Variants in FXYD7 observed in about 807,000 individuals in gnomAD.
The protein encoded by FXYD7 is FXYD domain-containing ion transport regulator 7.
In FXYD7, 7 loss-of-function variants were observed where a neutral mutation model predicts 15.3. That is an observed-to-expected ratio of 0.46 (90% CI 0.26 to 0.86). The LOEUF is 0.86. Ranked by LOEUF, FXYD7 falls within the 40% of genes least tolerant of loss-of-function variation. The pLI, the probability that FXYD7 is intolerant of heterozygous loss-of-function variation, is 0.16. For synonymous variants in FXYD7, 39 were observed against 39.3 expected, an observed-to-expected ratio of 0.99 and a Z score of 0.03; for missense variants, 78 against 100.6, an observed-to-expected ratio of 0.78 and a Z score of 0.96.
At chr19:35,144,042 A>G (rs1348749875) in intron 1 of FXYD7, among the ~76,000 whole-genome samples, 1 of 151,986 alleles carries the variant, frequency 6.6e-6, no homozygotes, top group Non-Finnish European at 1.5e-5. Context: ...GTAGACAGAG[A>G]TGCAGAGAGA....
chr19:35,148,026 G>GGAAAGAAA (rs59209064), intron 1 of FXYD7, among the ~76,000 whole-genome samples: 3,381 of 88,446 alleles, frequency 0.038, 119 homozygotes, highest in African/African-American at 0.052. Flanking sequence ...GAAGAAAGAA[G>GGAAAGAAA]GAAAGAAAGA....
chr19:35,152,975 G>A (rs1391183555), intron 5 of FXYD7, among the ~76,000 whole-genome samples: 6 of 143,806 alleles, frequency 4.2e-5, no homozygotes, highest in Admixed American at 7.0e-5. Flanking sequence ...AATGCGGGAG[G>A]GGGACACGGG....
rs910183506 is a variant in FXYD7, at chr19:35,151,465, G to C, written c.162G>C (p.Ala54=). Residue 54 remains alanine, a synonymous_variant, in exon 4 of 6, where the codon GCG becomes GCC. Coordinates refer to ENST00000270310, the MANE Select transcript of FXYD7 (RefSeq NM_022006.2). ...GCAAGAAGGTGAAGTGCAGGAAGGC[G>C]GACTCCAGGTCTGAGAGGTCTGGCA... is the stretch of plus-strand genomic sequence containing the variant. ...VISKKVKCRK[A]DSRSESPTCK... 3 of 1,614,166 alleles carry C rather than the reference G, an allele frequency of 1.9e-6. No individual in the cohort carries two copies. Among genetic ancestry groups the C allele is most frequent in the Non-Finnish European group, 2.5e-6 (3 of 1,180,000 alleles).
chr19:35,148,643 C>T (rs2065298747), intron 1 of FXYD7, 51 bp from the exon 2 acceptor site: 1 of 1,454,264 alleles, frequency 6.9e-7, no homozygotes, highest in Non-Finnish European at 9.2e-7. Flanking sequence ...TTAAGAAATA[C>T]ACTGTTAAGT....
In FXYD7 at chr19:35,154,117, A is replaced by AGGCTCAGGCCTCAGGCCTCCAGCT; in HGVS notation, c.*201_*202insGGCTCAGGCCTCAGGCCTCCAGCT. Reference sequence around the variant, plus strand: ...ACGATCCCCCAAAGAGCCCGTCTGCACCCCAGACCCAGGGCCTCAGGCCTC... The same window carrying AGGCTCAGGCCTCAGGCCTCCAGCT: ...ACGATCCCCCAAAGAGCCCGTCTGCAGGCTCAGGCCTCAGGCCTCCAGCTCCCCAGACCCAGGGCCTCAGGCCTC... On this transcript the variant is annotated 3_prime_UTR_variant, in exon 6 of 6. Transcript: ENST00000270310. The AGGCTCAGGCCTCAGGCCTCCAGCT allele has an allele frequency of 1.8e-6, 1 of 544,808 alleles. No individual in the cohort carries two copies. Among genetic ancestry groups the AGGCTCAGGCCTCAGGCCTCCAGCT allele is most frequent in the Non-Finnish European group, 3.2e-6 (1 of 312,312 alleles). 33.7% of individuals were successfully genotyped at this position (544,808 alleles called of 1,614,324 possible). A position where few individuals can be genotyped will look rare whatever the true frequency, so the allele number is the denominator to read the frequency against.
intron 2 of FXYD7, chr19:35,149,140 G>A (rs1004576280): frequency 2.3e-6 from 1 of 431,234 alleles, no homozygotes; most frequent in Non-Finnish European, 4.7e-6. Flanking sequence ...TCCCACCTAT[G>A]AGGACTGTGG....
chr19:35,150,027 C>T (rs2065304071), intron 2 of FXYD7, among the ~76,000 whole-genome samples: 1 of 152,136 alleles, frequency 6.6e-6, no homozygotes, highest in Non-Finnish European at 1.5e-5. Context: ...AGTGCTTCTC[C>T]TGCCTCAGCC....
At chr19:35,150,013 T>C (rs1271099306) in intron 2 of FXYD7, among the ~76,000 whole-genome samples, 1 of 152,016 alleles carries the variant, frequency 6.6e-6, no homozygotes, top group Non-Finnish European at 1.5e-5. Flanking sequence ...GCCTCCCAGG[T>C]TCAAGTGCTT....
rs1316113486 is a variant in FXYD7 at position 35,154,157 on chromosome 19, C to T, written c.*241C>T. 2 of 536,248 alleles carry T rather than the reference C, an allele frequency of 3.7e-6. No individual in the cohort carries two copies. Among genetic ancestry groups the T allele is most frequent in the East Asian group, 3.4e-5 (1 of 29,710 alleles). 33.2% of individuals were successfully genotyped at this position (536,248 alleles called of 1,614,324 possible). A position where few individuals can be genotyped will look rare whatever the true frequency, so the allele number is the denominator to read the frequency against. On this transcript the variant is annotated 3_prime_UTR_variant, in exon 6 of 6. Coordinates refer to ENST00000270310, the MANE Select transcript of FXYD7 (RefSeq NM_022006.2). ...CCTCAGGCCTCCAGCTCCTGGGATC[C>T]GGGAGTCCATCCCGGCCCAGCACCC... is the stretch of plus-strand genomic sequence containing the variant.
intron 5 of FXYD7, among the ~76,000 whole-genome samples, chr19:35,153,088 G>C (rs1159079781): frequency 2.0e-5 from 2 of 102,370 alleles, no homozygotes; most frequent in African/African-American, 3.9e-5. Context: ...TGTGTCCTCT[G>C]TTGCCCAGGC....
At chr19:35,152,594 G>A (rs933136836) in intron 5 of FXYD7, among the ~76,000 whole-genome samples, 1 of 152,112 alleles carries the variant, frequency 6.6e-6, no homozygotes, top group South Asian at 2.1e-4. Flanking sequence ...CAGGGAATGT[G>A]AGGATGGAGA....
In FXYD7 at chr19:35,153,791, G is replaced by A. The variant is rs184306062; in HGVS notation, c.221-103G>A. 4.8e-5 allele frequency: 50 copies of A among 1,048,182 alleles called. No homozygotes were observed. In the Admixed American group the frequency reaches 7.3e-4, roughly 15 times the overall value. 64.9% of individuals were successfully genotyped at this position (1,048,182 alleles called of 1,614,324 possible). On this transcript the variant is annotated intron_variant, in intron 5 of 5. Coordinates refer to ENST00000270310, the MANE Select transcript of FXYD7 (RefSeq NM_022006.2). ...TGTTAGCTCTGGGGTGACAGTCCCT[G>A]GGGTCTGGCTTCCATGGTGCCGGGG...
Position 35,143,701 on chromosome 19 carries a change from G to A in FXYD7, c.31+337G>A, listed in dbSNP as rs1250105682. 6.6e-6 allele frequency among the ~76,000 whole-genome samples: 1 copy of A among 152,196 alleles called. No individual in the cohort carries two copies. Among genetic ancestry groups the A allele is most frequent in the African/African-American group, 2.4e-5 (1 of 41,430 alleles). ...GAAGAGATGAGCTTGCAGGGTGGGAGCGGGTGGGTCTGCGACCAGAGACGT... is the reference window on the plus strand; with the variant it reads ...GAAGAGATGAGCTTGCAGGGTGGGAACGGGTGGGTCTGCGACCAGAGACGT... On this transcript the variant is annotated intron_variant, in intron 1 of 5. Coordinates refer to ENST00000270310, the MANE Select transcript of FXYD7 (RefSeq NM_022006.2). This position sits in a 1 kb window ranked among gnomAD's most constrained non-coding sequence, Gnocchi z 4.3.
chr19:35,150,543 A>G (rs1329464770), intron 2 of FXYD7, among the ~76,000 whole-genome samples: 4 of 152,198 alleles, frequency 2.6e-5, no homozygotes, highest in African/African-American at 4.8e-5. Context: ...TTTGCTCACA[A>G]TCAAATAAAG....
At position 35,148,033 on chromosome 19, in the gene FXYD7, AAGAAAG is replaced by A. The variant is rs2065295156; in HGVS notation, c.32-659_32-654del. 6.7e-4 allele frequency among the ~76,000 whole-genome samples: 23 copies of A among 34,114 alleles called. 1 individual carries two copies. In the South Asian group the frequency reaches 0.021, roughly 31 times the overall value. The allele number at this position is 34,114 out of a possible 152,430, so 22.4% of individuals were successfully genotyped here. ...GAAAGAAAGAAGAAAGAAGGAAAGA[AAGAAAG>A]AAAGAAAGAAAGAAAGAAAGAAAGA... On this transcript the variant is annotated intron_variant, in intron 1 of 5. Coordinates refer to ENST00000270310, the MANE Select transcript of FXYD7 (RefSeq NM_022006.2).
intron 5 of FXYD7, among the ~76,000 whole-genome samples, chr19:35,153,079 G>GTGTCCTCT (rs966006557): frequency 1.4e-4 from 11 of 81,432 alleles, no homozygotes; most frequent in African/African-American, 5.2e-4. Flanking sequence ...GAGTCTTGCT[G>GTGTCCTCT]TGTCCTCTGT....
At chr19:35,149,776 A>G (rs1272295695) in intron 2 of FXYD7, 2 of 152,226 alleles carry the variant, frequency 1.3e-5, no homozygotes, top group African/African-American at 4.8e-5. Context: ...TCAAGAAAAC[A>G]AAATATGAAA....
intron 1 of FXYD7, among the ~76,000 whole-genome samples, chr19:35,147,602 C>A (rs2065292953): frequency 1.3e-5 from 2 of 152,266 alleles, no homozygotes; most frequent in Middle Eastern, 3.4e-3. Flanking sequence ...GGACATTTCA[C>A]GTGGTAGAGT....
In FXYD7 at chr19:35,143,328, C is replaced by T; in HGVS notation, c.-6C>T. 6.5e-7 allele frequency: 1 copy of T among 1,535,092 alleles called. No homozygotes were observed. Among genetic ancestry groups the T allele is most frequent in the Non-Finnish European group, 8.8e-7 (1 of 1,140,822 alleles). On this transcript the variant is annotated 5_prime_UTR_variant, in exon 1 of 6. Coordinates refer to ENST00000270310, the MANE Select transcript of FXYD7 (RefSeq NM_022006.2). This position sits in a 1 kb window ranked among gnomAD's most constrained non-coding sequence, Gnocchi z 4.3. Reference sequence around the variant, plus strand: ...AGCATCCAGCAGCCCCCTGCTCCGGCCCAGCATGGCGACCCCGACCCAGAC... The same window carrying T: ...AGCATCCAGCAGCCCCCTGCTCCGGTCCAGCATGGCGACCCCGACCCAGAC...
Sources: allele counts gnomAD v4.1 joint callset (sites outside exome capture counted in the v4.1 genomes callset), GRCh38; gene constraint gnomAD v4.1.1; non-coding constraint Gnocchi (gnomAD v3.1); transcripts MANE v1.5; gene names NCBI Gene and HGNC (gene_info 2026-07-23, HGNC 2026-07-21).